Variants in PRICKLE2 observed in about 807,000 individuals in gnomAD.
The protein encoded by PRICKLE2 is prickle-like protein 2.
Under a neutral mutation model 81.4 loss-of-function variants are expected in PRICKLE2, and 21 were observed. The ratio of observed to expected loss-of-function variants is 0.26; its 90% confidence interval spans 0.18 to 0.37. The LOEUF (loss-of-function observed/expected upper bound fraction) is 0.37. Among genes scored for constraint, PRICKLE2 ranks in the 10% least tolerant of loss-of-function variants. The pLI is 1.00. For synonymous variants in PRICKLE2, 456 were observed against 421.5 expected, an observed-to-expected ratio of 1.08 and a Z score of -1.00; for missense variants, 940 against 1,109.0, an observed-to-expected ratio of 0.85 and a Z score of 2.16.
rs542477204 is a variant in PRICKLE2 at position 64,205,454 on chromosome 3, C to A, written c.-40-6487G>T. On this transcript the variant is annotated intron_variant, in intron 1 of 7. Transcript: ENST00000638394. ...ATGACTAACAATCTATACCAATTAA[C>A]TTGCCTGCCATTACTTGAAAGGATT... Among the ~76,000 whole-genome samples the A allele has an allele frequency of 2.6e-5, 4 of 152,300 alleles. No homozygotes were observed. The South Asian group carries it at 8.3e-4, about 32-fold the overall frequency.
At chr3:64,172,578 G>A (rs1328965909) in intron 2 of PRICKLE2, among the ~76,000 whole-genome samples, 1 of 152,188 alleles carries the variant, frequency 6.6e-6, no homozygotes, top group Non-Finnish European at 1.5e-5. Flanking sequence ...ATTAATAAGA[G>A]GCTCAAATGA....
rs774959203 is a variant in PRICKLE2 at position 64,147,774 on chromosome 3, G to A, written c.788-72C>T. 1.9e-6 allele frequency: 3 copies of A among 1,545,538 alleles called. No individual in the cohort carries two copies. Among genetic ancestry groups the A allele is most frequent in the Middle Eastern group, 1.7e-4 (1 of 5,754 alleles). On this transcript the variant is annotated intron_variant, in intron 6 of 7. Transcript: ENST00000638394. This position sits in a 1 kb window ranked among gnomAD's most constrained non-coding sequence, Gnocchi z 5.0. ...TCTGCACTGGGACGTGAAACACATA[G>A]CACCTTGGTTTGTCTCAGGATTCCA...
rs1296544546 is a variant in PRICKLE2, at chr3:64,170,487, C to G, written c.145-7358G>C. Among the ~76,000 whole-genome samples the G allele has an allele frequency of 2.0e-5, 3 of 152,086 alleles. No homozygotes were observed. The East Asian group carries it at 5.8e-4, about 29-fold the overall frequency. On this transcript the variant is annotated intron_variant, in intron 2 of 7. Coordinates refer to ENST00000638394, the MANE Select transcript of PRICKLE2 (RefSeq NM_198859.4). ...TCTGGACCCGGCTTTCACCTTTGTGCCTCTGCAGTCGAGTCTCTATTCAGC... is the reference window on the plus strand; with the variant it reads ...TCTGGACCCGGCTTTCACCTTTGTGGCTCTGCAGTCGAGTCTCTATTCAGC...
intron 2 of PRICKLE2, among the ~76,000 whole-genome samples, chr3:64,190,048 T>C (rs1420738877): frequency 6.6e-6 from 1 of 152,230 alleles, no homozygotes; most frequent in African/African-American, 2.4e-5. Flanking sequence ...TCTCCCCAAA[T>C]TCTTTGTGCA....
rs529068576 is a variant in PRICKLE2 at position 64,257,498 on chromosome 3, G to A, written c.129-58531C>T. 7.9e-5 allele frequency among the ~76,000 whole-genome samples: 12 copies of A among 152,334 alleles called. No homozygotes were observed. In the South Asian group the frequency reaches 2.5e-3, roughly 32 times the overall value. On this transcript the variant is annotated intron_variant, in intron 2 of 8. Coordinates refer to the PRICKLE2 transcript ENST00000295902. Reference sequence around the variant, plus strand: ...GGGAAGAAAAGGCTGATTTGGCAATGGCAGTGGGGGTGTGAGCAAATGAAT... The same window carrying A: ...GGGAAGAAAAGGCTGATTTGGCAATAGCAGTGGGGGTGTGAGCAAATGAAT...
In PRICKLE2 at chr3:64,198,910, C is replaced by A. The variant is rs754063352; in HGVS notation, c.18G>T (p.Pro6=). Residue 6 remains proline (P), a synonymous_variant, in exon 2 of 8, where the codon CCG becomes CCT. Transcript: ENST00000638394. ...TGCTGATGGTCTTCTCCATCTCCAG[C>A]GGCATCACTGTCACCATGTGCTCCT... MVTVM[P]LEMEKTISKL... 1.9e-6 allele frequency: 3 copies of A among 1,614,138 alleles called. No homozygotes were observed. Among genetic ancestry groups the A allele is most frequent in the Non-Finnish European group, 2.5e-6 (3 of 1,180,018 alleles).
intron 2 of PRICKLE2, among the ~76,000 whole-genome samples, chr3:64,196,787 T>G (rs1239353346): frequency 6.6e-6 from 1 of 152,186 alleles, no homozygotes; most frequent in Non-Finnish European, 1.5e-5. Context: ...AAAAGGACTT[T>G]GTAGAGACTC....
chr3:64,198,593 G>A (rs965382755), intron 2 of PRICKLE2, 191 bp downstream of exon 2: 10 of 663,858 alleles, frequency 1.5e-5, no homozygotes, highest in Middle Eastern at 4.0e-4. Flanking sequence ...ATTAGCAATG[G>A]ATCACTCCTG....
intron 2 of PRICKLE2, among the ~76,000 whole-genome samples, chr3:64,186,939 G>T (rs2078244975): frequency 6.6e-6 from 1 of 152,176 alleles, no homozygotes; most frequent in African/African-American, 2.4e-5. Context: ...AATTTATGCA[G>T]GAAGTCTAAG....
At chr3:64,264,387 C>G (rs1001576415) in intron 2 of PRICKLE2, among the ~76,000 whole-genome samples, 1 of 152,192 alleles carries the variant, frequency 6.6e-6, no homozygotes, top group Non-Finnish European at 1.5e-5. Context: ...ATTTCCAGGT[C>G]ATACTACAGA....
chr3:64,180,928 G>C (rs1343340249), intron 2 of PRICKLE2, among the ~76,000 whole-genome samples: 1 of 152,200 alleles, frequency 6.6e-6, no homozygotes, highest in Non-Finnish European at 1.5e-5. Flanking sequence ...GAGTCAGACA[G>C]TGTGTCTACA....
chr3:64,256,070 C>CA (rs140118719), intron 2 of PRICKLE2, among the ~76,000 whole-genome samples: 12,215 of 152,090 alleles, frequency 0.08, 744 homozygotes, highest in Non-Finnish European at 0.12. Flanking sequence ...TGAGGAGAGA[C>CA]AAATAAAGGC....
At chr3:64,215,169 C>G (rs2078852832) in intron 1 of PRICKLE2, among the ~76,000 whole-genome samples, 1 of 152,092 alleles carries the variant, frequency 6.6e-6, no homozygotes, top group Admixed American at 6.6e-5. Context: ...GCCTACAAGA[C>G]CCTATATAAC....
At chr3:64,214,247 T>A (rs2078837215) in intron 1 of PRICKLE2, among the ~76,000 whole-genome samples, 1 of 152,128 alleles carries the variant, frequency 6.6e-6, no homozygotes, top group Admixed American at 6.6e-5. Context: ...AGGGAAAAAC[T>A]TCCCAGAAAT....
chr3:64,247,880 T>C (rs569117906), intron 2 of PRICKLE2, among the ~76,000 whole-genome samples: 3 of 152,322 alleles, frequency 2.0e-5, no homozygotes, highest in African/African-American at 7.2e-5. Context: ...AAAAGTCATT[T>C]TGAGATCAAA....
Position 64,095,550 on chromosome 3 carries a change from G to C in PRICKLE2, c.*3501C>G, listed in dbSNP as rs1358772449. ...ATCTGCTCAGCTTGCAGGGAGCGCA[G>C]AGCACATGCTACATATATGTCATCA... is the stretch of plus-strand genomic sequence containing the variant. On this transcript the variant is annotated 3_prime_UTR_variant, in exon 8 of 8. Transcript: ENST00000638394. The C allele has an allele frequency of 2.0e-5, 3 of 152,294 alleles. No individual in the cohort carries two copies. In the East Asian group the frequency reaches 5.8e-4, roughly 29 times the overall value. The allele number at this position is 152,294 out of a possible 1,614,324, so 9.4% of individuals were successfully genotyped here.
chr3:64,254,234 A>G (rs2059227873), intron 2 of PRICKLE2, among the ~76,000 whole-genome samples: 1 of 152,128 alleles, frequency 6.6e-6, no homozygotes, highest in Non-Finnish European at 1.5e-5. Flanking sequence ...TTCACCTCCT[A>G]TTTTATTTAT....
intron 2 of PRICKLE2, among the ~76,000 whole-genome samples, chr3:64,194,711 A>T (rs1204723310): frequency 6.6e-6 from 1 of 152,188 alleles, no homozygotes; most frequent in Non-Finnish European, 1.5e-5. Context: ...CCTCAAAGAG[A>T]TACGGTATAC....
intron 7 of PRICKLE2, among the ~76,000 whole-genome samples, chr3:64,122,317 G>A (rs1212731909): frequency 1.3e-5 from 2 of 152,070 alleles, no homozygotes; most frequent in Non-Finnish European, 1.5e-5. Context: ...CCCACCCTTT[G>A]CCCCCAAAAA....
Sources: gnomAD v4.1 joint callset for allele counts (sites outside exome capture counted in the v4.1 genomes callset) on GRCh38, gnomAD v4.1.1 for gene constraint, Gnocchi (gnomAD v3.1) non-coding constraint, MANE v1.5 for transcripts, NCBI Gene and HGNC (gene_info 2026-07-23, HGNC 2026-07-21) for gene names.